The following GSE1 variants were observed in gnomAD, a reference collection of about 807,000 sequenced individuals.
GSE1 encodes the protein Gse1 coiled-coil protein.
In GSE1, 32 loss-of-function variants were observed where a neutral mutation model predicts 112.6. The ratio of observed to expected loss-of-function variants is 0.28; its 90% CI spans 0.21 to 0.38. GSE1 has a LOEUF of 0.38. GSE1 is among the 10% of genes least tolerant of loss of function. GSE1 has a pLI of 1.00. For synonymous variants in GSE1, 1,115 were observed against 735.6 expected, an observed-to-expected ratio of 1.52 and a Z score of -8.35; for missense variants, 2,348 against 1,699.2, an observed-to-expected ratio of 1.38 and a Z score of -6.71.
intron 2 of GSE1, among the ~76,000 whole-genome samples, chr16:85,480,298 G>T (rs959564918): frequency 1.3e-5 from 2 of 152,244 alleles, no homozygotes; most frequent in African/African-American, 2.4e-5. Flanking sequence ...AAATTCCAGG[G>T]CCCCATTGGG....
chr16:85,444,737 C>A (rs936921778), intron 2 of GSE1, among the ~76,000 whole-genome samples: 1 of 152,122 alleles, frequency 6.6e-6, no homozygotes, highest in Admixed American at 6.5e-5. Context: ...CTCCTGTGAC[C>A]CACTGAACCA....
intron 2 of GSE1, among the ~76,000 whole-genome samples, chr16:85,361,490 G>A (rs1053543281): frequency 6.6e-6 from 1 of 152,210 alleles, no homozygotes; most frequent in Admixed American, 6.5e-5. Context: ...GGGGCACTGA[G>A]CCCTCTCAGC....
intron 2 of GSE1, among the ~76,000 whole-genome samples, chr16:85,382,429 C>A (rs1019058877): frequency 2.0e-5 from 3 of 152,200 alleles, no homozygotes; most frequent in African/African-American, 7.2e-5. Context: ...CACATGGTGA[C>A]CCGCTGCCCC....
In GSE1 at chr16:85,665,069, C is replaced by T. The variant is rs1567757264; in HGVS notation, c.2699C>T (p.Ala900Val). 1.2e-6 allele frequency: 2 copies of T among 1,612,854 alleles called. No individual in the cohort carries two copies. The highest frequency in any genetic ancestry group is 1.7e-6 in the Non-Finnish European group (2 of 1,179,042). Residue 900 changes from alanine (A) to valine (V), a missense_variant, in exon 12 of 16, where the codon GCA becomes GTA. Ala to Val is a moderately conservative substitution (Grantham distance 64). Transcript: ENST00000253458. ...GCCATGAAGCAGAAGGCACTGTCAG[C>T]AGCAGTGGCCGACTCCTTGACAAAC... ...LRAMKQKALS[A>V]AVADSLTNSP...
intron 2 of GSE1, among the ~76,000 whole-genome samples, chr16:85,642,456 AG>A (rs779478845): frequency 2.5e-4 from 37 of 149,124 alleles, no homozygotes; most frequent in East Asian, 7.2e-4. Context: ...GGTTGAAAGC[AG>A]GGGGCAAAGT....
chr16:85,262,181 T>G (rs1284382209), intron 1 of GSE1, among the ~76,000 whole-genome samples: 2 of 152,226 alleles, frequency 1.3e-5, no homozygotes, highest in East Asian at 1.9e-4. Context: ...AAACTGACGA[T>G]GACAAATTAT....
chr16:85,508,653 C>T (rs1335270215), intron 2 of GSE1, among the ~76,000 whole-genome samples: 3 of 152,278 alleles, frequency 2.0e-5, no homozygotes, highest in South Asian at 2.1e-4. Context: ...GGACACGTGG[C>T]AATAGTTACC....
chr16:85,484,185 A>T (rs1274779513), intron 2 of GSE1, among the ~76,000 whole-genome samples: 1 of 152,158 alleles, frequency 6.6e-6, no homozygotes, highest in Admixed American at 6.5e-5. Context: ...CAGTCTTCCA[A>T]CTGGGACGGT....
At chr16:85,282,321 C>T (rs867105854) in intron 1 of GSE1, among the ~76,000 whole-genome samples, 7 of 152,212 alleles carry the variant, frequency 4.6e-5, no homozygotes, top group Non-Finnish European at 1.0e-4. Context: ...CCACCGCGCC[C>T]GGCTGGGTTG....
chr16:85,354,882 C>T (rs1239392226), intron 1 of GSE1, among the ~76,000 whole-genome samples: 1 of 152,258 alleles, frequency 6.6e-6, no homozygotes, highest in African/African-American at 2.4e-5. Flanking sequence ...GTAGCTCAGT[C>T]CCCAGGGTGG....
At chr16:85,608,680 C>G (rs1250612264), upstream of GSE1, among the ~76,000 whole-genome samples, 1 of 152,186 alleles carries the variant, frequency 6.6e-6, no homozygotes, top group Non-Finnish European at 1.5e-5. Flanking sequence ...TCAGGTCTCC[C>G]CACTCGGGCT....
chr16:85,654,861 C>T lies in GSE1; in HGVS notation c.667C>T (p.Arg223Trp), dbSNP rs764122259. 19 of 1,611,686 alleles carry T rather than the reference C, an allele frequency of 1.2e-5. No individual in the cohort carries two copies. The highest frequency in any genetic ancestry group is 1.7e-5 in the Admixed American group (1 of 59,964). Residue 223 changes from arginine to tryptophan, a missense_variant, in exon 5 of 16, where the codon CGG becomes TGG. Physicochemically the swap from Arg to Trp is moderately radical, Grantham distance 101. Coordinates refer to ENST00000253458, the MANE Select transcript of GSE1 (RefSeq NM_014615.5). The stretch of plus-strand genomic sequence containing the variant: ...GACCGAGGACTACCTGAGAAGCTTC[C>T]GGCCCTACCACACCACCGACGACCT... ...TVTEDYLRSF[R>W]PYHTTDDLRM...
chr16:85,664,849 TGAG>T (rs1458687209), intron 11 of GSE1, 163 bp from the exon 12 acceptor site: 1 of 604,208 alleles, frequency 1.7e-6, no homozygotes. Context: ...GGGCTCGCTT[TGAG>T]ATGGTTGCTT....
chr16:85,530,925 G>A (rs2044115865), intron 2 of GSE1, among the ~76,000 whole-genome samples: 1 of 152,258 alleles, frequency 6.6e-6, no homozygotes, highest in African/African-American at 2.4e-5. Flanking sequence ...TCCCTGGACA[G>A]TGACTTGCCC....
rs199754412 is a variant in GSE1 at position 85,661,513 on chromosome 16, G to C, written c.2008G>C (p.Gly670Arg). The change falls in exon 9 of 16, where the codon GGG (glycine) becomes CGG (arginine). Residue 670 changes from glycine to arginine, a missense_variant. Transcript: ENST00000253458. ...GSLEHQPFLPGPGPFLAELEK... is the reference protein window; with the variant it reads ...GSLEHQPFLPRPGPFLAELEK... ...CCTGGAGCACCAGCCCTTCCTGCCC[G>C]GGCCCGGGCCCTTCCTGGCTGAGCT... is the stretch of plus-strand genomic sequence containing the variant. The C allele has an allele frequency of 1.9e-6, 3 of 1,611,808 alleles. No homozygotes were observed. The highest frequency in any genetic ancestry group is 4.5e-5 in the East Asian group (2 of 44,838).
At chr16:85,369,679 G>A (rs1490397100) in intron 2 of GSE1, among the ~76,000 whole-genome samples, 1 of 152,220 alleles carries the variant, frequency 6.6e-6, no homozygotes, top group African/African-American at 2.4e-5. Context: ...CATAGAAGGT[G>A]ACATTTTCAT....
intron 1 of GSE1, among the ~76,000 whole-genome samples, chr16:85,214,274 C>T (rs1206983145): frequency 6.6e-6 from 1 of 152,132 alleles, no homozygotes. Context: ...TCACCCAGAA[C>T]CTGTGAGTGT....
intron 2 of GSE1, among the ~76,000 whole-genome samples, chr16:85,401,155 C>T (rs1341998968): frequency 2.6e-5 from 4 of 152,204 alleles, no homozygotes; most frequent in Admixed American, 1.3e-4. Flanking sequence ...CGGGGAGGGG[C>T]AATGGGGGCC....
chr16:85,655,087 C>T (rs1407274713), intron 5 of GSE1, 96 bp downstream of exon 5: 10 of 829,802 alleles, frequency 1.2e-5, no homozygotes, highest in East Asian at 2.7e-5. Flanking sequence ...ACCTGAGAGC[C>T]AGGCTCCTAG....
Sources: allele counts gnomAD v4.1 joint callset (sites outside exome capture counted in the v4.1 genomes callset), GRCh38; gene constraint gnomAD v4.1.1; transcripts MANE v1.5; gene names NCBI Gene and HGNC (gene_info 2026-07-23, HGNC 2026-07-21).